The following EML1 variants were observed in gnomAD, a reference collection of about 807,000 sequenced individuals.
EML1 encodes the protein EMAP like 1.
Under a neutral mutation model 110.4 loss-of-function variants are expected in EML1, and 27 were observed. That is an observed-to-expected ratio of 0.24 (90% CI 0.18 to 0.34). EML1 has a LOEUF of 0.34. Among genes scored for constraint, EML1 ranks in the 10% least tolerant of loss-of-function variants. The probability of loss-of-function intolerance (pLI) is 1.00; values close to 1 mark genes in which losing one functional copy is unlikely to be tolerated. For synonymous variants in EML1, 344 were observed against 385.8 expected (o/e 0.89, Z 1.27); for missense variants, 741 against 1,030.9 (o/e 0.72, Z 3.85).
chr14:99,896,288 A>C (rs1163903645), intron 6 of EML1, among the ~76,000 whole-genome samples: 1 of 152,164 alleles, frequency 6.6e-6, no homozygotes. Flanking sequence ...TTACTATTTG[A>C]GATTATGGAA....
At chr14:99,805,847 T>A (rs886348892) in intron 1 of EML1, among the ~76,000 whole-genome samples, 1 of 152,102 alleles carries the variant, frequency 6.6e-6, no homozygotes, top group Non-Finnish European at 1.5e-5. Flanking sequence ...ATCTTACACA[T>A]TTTTAAGTGT....
At position 99,865,643 on chromosome 14, in the gene EML1, A is replaced by G; in HGVS notation, c.380A>G (p.Lys127Arg). ...VRKETAVPAT[K>R]SNIKRTSSSE... ...AAAGAAACTGCTGTGCCAGCAACCA[A>G]AAGGTGAGCCAGAAGCAGGGCCTTA... Residue 127 changes from lysine to arginine, a missense_variant, in exon 3 of 22, where the codon AAA becomes AGA. By Grantham distance (26) the Lys-to-Arg change is conservative. Coordinates refer to ENST00000262233, the MANE Select transcript of EML1 (RefSeq NM_004434.3). 1 of 1,613,948 alleles carries G rather than the reference A, an allele frequency of 6.2e-7. No homozygotes were observed. The highest frequency in any genetic ancestry group is 8.5e-7 in the Non-Finnish European group (1 of 1,179,930).
intron 1 of EML1, among the ~76,000 whole-genome samples, chr14:99,787,389 C>T (rs886731616): frequency 4.0e-5 from 6 of 151,446 alleles, no homozygotes; most frequent in Non-Finnish European, 5.9e-5. Context: ...AGCGATTCTC[C>T]TGCCTCAGCC....
chr14:99,835,864 A>G (rs913867450), intron 1 of EML1, among the ~76,000 whole-genome samples: 1 of 152,136 alleles, frequency 6.6e-6, no homozygotes, highest in Admixed American at 6.5e-5. Context: ...GTGTGGGTCT[A>G]TTTCTGGACT....
chr14:99,779,746 A>G (rs1003152178), intron 1 of EML1, among the ~76,000 whole-genome samples: 1 of 152,218 alleles, frequency 6.6e-6, no homozygotes, highest in African/African-American at 2.4e-5. Context: ...GTGAGGTCTG[A>G]TCATTCAGCA....
chr14:99,928,629 G>T (rs1042586495), intron 17 of EML1, among the ~76,000 whole-genome samples: 3 of 152,132 alleles, frequency 2.0e-5, no homozygotes, highest in African/African-American at 4.8e-5. Context: ...CTGGAGTTTT[G>T]GTTCTGGGAA....
At position 99,894,545 on chromosome 14, in the gene EML1, T is replaced by C. The variant is rs188584929; in HGVS notation, c.548-84T>C. The stretch of plus-strand genomic sequence containing the variant: ...AAGGGTAAAAGTTTCTCTTTTATAC[T>C]GAAAGGCTAGAGAGGATAAAGCATT... On this transcript the variant is annotated intron_variant, in intron 5 of 21. Transcript: ENST00000262233. The C allele has an allele frequency of 4.4e-4, 624 of 1,426,222 alleles. 3 individuals are homozygous for C. In the African/African-American group the frequency reaches 5.3e-3, roughly 12 times the overall value. The allele number at this position is 1,426,222 out of a possible 1,614,324, so 88.3% of individuals were successfully genotyped here.
chr14:99,830,265 T>C (rs554016374), intron 1 of EML1, among the ~76,000 whole-genome samples: 2 of 152,356 alleles, frequency 1.3e-5, no homozygotes, highest in Non-Finnish European at 2.9e-5. Flanking sequence ...TGTCTTTTCA[T>C]GTGCTTATTG....
chr14:99,793,566 C>A, intron 1 of EML1, 23 bp downstream of exon 1: 1 of 1,006,500 alleles, frequency 9.9e-7, no homozygotes. Flanking sequence ...CGCGCGGGGC[C>A]GGGGCGGCGA....
At chr14:99,743,275 C>T (rs867768048) in intron 1 of EML1, among the ~76,000 whole-genome samples, 1 of 152,150 alleles carries the variant, frequency 6.6e-6, no homozygotes, top group Admixed American at 6.5e-5. Context: ...CTACTTGTCC[C>T]ATCGTCCAGG....
At chr14:99,833,660 T>A (rs1314071576) in intron 1 of EML1, among the ~76,000 whole-genome samples, 1 of 152,240 alleles carries the variant, frequency 6.6e-6, no homozygotes, top group Admixed American at 6.5e-5. Context: ...AGGTCTTCTT[T>A]GCTTTCTCTC....
At chr14:99,892,979 A>G (rs1431259962) in intron 5 of EML1, among the ~76,000 whole-genome samples, 1 of 130,322 alleles carries the variant, frequency 7.7e-6, no homozygotes, top group Non-Finnish European at 1.6e-5. Flanking sequence ...GGGTGCTTTT[A>G]GATTCTTTGG....
At chr14:99,869,197 A>G (rs1267369862) in intron 3 of EML1, among the ~76,000 whole-genome samples, 1 of 152,186 alleles carries the variant, frequency 6.6e-6, no homozygotes, top group Non-Finnish European at 1.5e-5. Flanking sequence ...GGTGGTGGCA[A>G]CCCTGTGTTG....
intron 1 of EML1, among the ~76,000 whole-genome samples, chr14:99,751,696 C>T (rs1475911215): frequency 1.3e-5 from 2 of 152,052 alleles, no homozygotes; most frequent in Admixed American, 1.3e-4. Flanking sequence ...GTGTTCCTGG[C>T]AGAAGAGGCA....
chr14:99,813,645 C>T (rs1167024294), intron 1 of EML1, among the ~76,000 whole-genome samples: 1 of 152,058 alleles, frequency 6.6e-6, no homozygotes, highest in East Asian at 1.9e-4. Context: ...AAGATAGTTG[C>T]TGCAGTGAGC....
chr14:99,888,943 C>G (rs1036436081), intron 4 of EML1, among the ~76,000 whole-genome samples: 1 of 152,142 alleles, frequency 6.6e-6, no homozygotes, highest in Admixed American at 6.5e-5. Context: ...ACCCTCCCCC[C>G]GCTCAGACGC....
In EML1 at chr14:99,775,514, G is replaced by A. The variant is rs1359169003; in HGVS notation, c.-27+1501G>A. Among the ~76,000 whole-genome samples, 4 of 152,218 alleles carry A rather than the reference G, an allele frequency of 2.6e-5. No homozygotes were observed. In the East Asian group the frequency reaches 7.7e-4, roughly 29 times the overall value. On this transcript the variant is annotated intron_variant, in intron 1 of 22. Coordinates refer to the EML1 transcript ENST00000327921. ...AGTACAGCAAGTGCTTCACTTCACA[G>A]GCAAGTAGGCTGAGGCATGGATGGA...
intron 4 of EML1, among the ~76,000 whole-genome samples, chr14:99,889,728 G>C (rs1035741734): frequency 6.6e-6 from 1 of 152,226 alleles, no homozygotes; most frequent in Non-Finnish European, 1.5e-5. Context: ...AGTGAAGGGA[G>C]ATGAGCTCTG....
intron 1 of EML1, among the ~76,000 whole-genome samples, chr14:99,787,141 T>C (rs1287799582): frequency 6.6e-6 from 1 of 152,188 alleles, no homozygotes; most frequent in Non-Finnish European, 1.5e-5. Flanking sequence ...TTATGGTTGT[T>C]AGACTCAGTG....
Sources: gnomAD v4.1 joint callset for allele counts (sites outside exome capture counted in the v4.1 genomes callset) on GRCh38, gnomAD v4.1.1 for gene constraint, MANE v1.5 for transcripts, NCBI Gene and HGNC (gene_info 2026-07-23, HGNC 2026-07-21) for gene names.